The following FBXO11 variants were observed in gnomAD, a reference collection of about 807,000 sequenced individuals.
FBXO11 encodes the protein F-box protein 11.
In FBXO11, 13 loss-of-function variants were observed where a neutral mutation model predicts 117.0. The ratio of observed to expected loss-of-function variants is 0.11; its 90% CI spans 0.07 to 0.18. FBXO11 has a LOEUF of 0.18. Among genes scored for constraint, FBXO11 ranks in the 10% least tolerant of loss-of-function variants. The pLI, the probability that FBXO11 is intolerant of heterozygous loss-of-function variation, is 1.00. For missense variants in FBXO11, 767 were observed against 1,164.4 expected (o/e 0.66, Z 4.97); for synonymous variants, 490 against 380.5 (o/e 1.29, Z -3.35).
At chr2:47,838,137 G>A (rs1385183237) in intron 4 of FBXO11, among the ~76,000 whole-genome samples, 2 of 151,822 alleles carry the variant, frequency 1.3e-5, no homozygotes, top group African/African-American at 4.8e-5. Context: ...GGAGGCTGAG[G>A]TGGGAGAATG....
rs1401193376 is a variant in FBXO11 at position 47,807,854 on chromosome 2, TACAA to T, written c.*260_*263del. On this transcript the variant is annotated 3_prime_UTR_variant, in exon 23 of 23. Transcript: ENST00000403359. ...CCAGCTTTTCAGAAGTTGGTATCTG[TACAA>T]AATTGCAGCTTATTTTCTTCACTTC... The T allele has an allele frequency of 2.9e-6, 1 of 342,722 alleles. No individual in the cohort carries two copies. Among genetic ancestry groups the T allele is most frequent in the African/African-American group, 2.1e-5 (1 of 48,520 alleles). The allele number at this position is 342,722 out of a possible 1,614,324, so 21.2% of individuals were successfully genotyped here.
At chr2:47,825,571 CTTTTTTTTTTTTT>C (rs751404253) in intron 11 of FBXO11, among the ~76,000 whole-genome samples, 1 of 88,312 alleles carries the variant, frequency 1.1e-5, no homozygotes, top group Non-Finnish European at 2.3e-5. Context: ...TCTTCTTCTT[CTTTTTTTTTTTTT>C]TTTTTTTTTT....
intron 1 of FBXO11, among the ~76,000 whole-genome samples, chr2:47,876,667 A>C (rs1355779025): frequency 6.6e-6 from 1 of 151,692 alleles, no homozygotes. Flanking sequence ...CATTTTGAAA[A>C]GCTTTTATGT....
rs908566965 is a variant in FBXO11 at position 47,874,083 on chromosome 2, G to C, written c.232+31406C>G. ...CAAAAAATTAGCCGACTATGGTGGC[G>C]GGCACCTGTAATTCCAGCTACTTGG... On this transcript the variant is annotated intron_variant, in intron 1 of 22. Coordinates refer to ENST00000403359, the MANE Select transcript of FBXO11 (RefSeq NM_001190274.2). Among the ~76,000 whole-genome samples, 6 of 152,100 alleles carry C rather than the reference G, an allele frequency of 3.9e-5. No homozygotes were observed. In the East Asian group the frequency reaches 1.2e-3, roughly 29 times the overall value.
At chr2:47,844,514 ATAT>A (rs202006907) in intron 1 of FBXO11, among the ~76,000 whole-genome samples, 10,658 of 152,238 alleles carry the variant, frequency 0.07, 406 homozygotes, top group African/African-American at 0.1. Context: ...CCCCTGTGCT[ATAT>A]ACAGCAACAC....
At position 47,817,418 on chromosome 2, in the gene FBXO11, G is replaced by C. The variant is rs529302891; in HGVS notation, c.2006+1361C>G. Among the ~76,000 whole-genome samples, 12 of 152,298 alleles carry C rather than the reference G, an allele frequency of 7.9e-5. No homozygotes were observed. The East Asian group carries it at 1.5e-3, about 20-fold the overall frequency. ...TATTTTATTTTGCTTTGAACCCTGA[G>C]AAACTAAGCAATAAGGTTGTTTTGC... is the stretch of plus-strand genomic sequence containing the variant. On this transcript the variant is annotated intron_variant, in intron 16 of 22. Transcript: ENST00000403359.
chr2:47,881,025 T>A (rs1676388984), intron 1 of FBXO11, among the ~76,000 whole-genome samples: 1 of 152,050 alleles, frequency 6.6e-6, no homozygotes, highest in African/African-American at 2.4e-5. Flanking sequence ...GAGGCTGAGG[T>A]GGGCAGATCA....
chr2:47,846,464 T>A lies in FBXO11; in HGVS notation c.233-6695A>T, dbSNP rs1002371289. ...CCTGGGCAACAAAAACGAAACTGTT[T>A]CAAAAAAAAATTTTTTTTTAATTTT... On this transcript the variant is annotated intron_variant, in intron 1 of 22. Transcript: ENST00000403359. Among the ~76,000 whole-genome samples the A allele has an allele frequency of 1.3e-4, 20 of 152,064 alleles. 1 individual carries two copies. Among genetic ancestry groups the A allele is most frequent in the Non-Finnish European group, 2.9e-5 (2 of 68,000 alleles).
intron 11 of FBXO11, among the ~76,000 whole-genome samples, chr2:47,823,666 C>A (rs867511132): frequency 6.6e-6 from 1 of 151,854 alleles, no homozygotes; most frequent in Non-Finnish European, 1.5e-5. Context: ...GGCAGGAGAA[C>A]TGCTTGAACC....
In FBXO11 at chr2:47,808,084, T is replaced by C; in HGVS notation, c.*34A>G. 6.4e-7 allele frequency: 1 copy of C among 1,568,228 alleles called. No homozygotes were observed. The highest frequency in any genetic ancestry group is 8.7e-7 in the Non-Finnish European group (1 of 1,152,030). ...AAAAAAGTGTTTTAAGTTATGATGTTACAATGGCAGGACTTTTTCTTTAGG... is the reference window on the plus strand; with the variant it reads ...AAAAAAGTGTTTTAAGTTATGATGTCACAATGGCAGGACTTTTTCTTTAGG... On this transcript the variant is annotated 3_prime_UTR_variant, in exon 23 of 23. Transcript: ENST00000403359.
rs568827698 is a variant in FBXO11, at chr2:47,823,646, G to C, written c.1399-286C>G. Among the ~76,000 whole-genome samples, 14 of 152,112 alleles carry C rather than the reference G, an allele frequency of 9.2e-5. No homozygotes were observed. The South Asian group carries it at 2.9e-3, about 32-fold the overall frequency. ...CTCACACCTGTAATCCCAGGTACTT[G>C]GGAGGCTGAGGCAGGAGAACTGCTT... On this transcript the variant is annotated intron_variant, in intron 11 of 22. Coordinates refer to ENST00000403359, the MANE Select transcript of FBXO11 (RefSeq NM_001190274.2).
At chr2:47,898,370 C>A (rs1181625204) in intron 1 of FBXO11, among the ~76,000 whole-genome samples, 1 of 152,186 alleles carries the variant, frequency 6.6e-6, no homozygotes, top group Non-Finnish European at 1.5e-5. Flanking sequence ...ATAAGAAACA[C>A]ACCAAACCAT....
At chr2:47,877,299 A>C (rs17395881) in intron 1 of FBXO11, among the ~76,000 whole-genome samples, 12,199 of 152,118 alleles carry the variant, frequency 0.08, 710 homozygotes, top group Admixed American at 0.14. Flanking sequence ...GAGGATCTTA[A>C]ACATACACTT....
At chr2:47,861,613 C>A (rs1257066117) in intron 1 of FBXO11, among the ~76,000 whole-genome samples, 1 of 152,174 alleles carries the variant, frequency 6.6e-6, no homozygotes, top group Non-Finnish European at 1.5e-5. Context: ...TGAACCACAG[C>A]ACCCAGCCCA....
Position 47,822,310 on chromosome 2 carries a change from T to A in FBXO11, c.1617-7A>T, listed in dbSNP as rs1277090981. On this transcript the variant is annotated splice_region_variant and splice_polypyrimidine_tract_variant and intron_variant, in intron 12 of 22. Transcript: ENST00000403359. ...ATTAAATATAGAATTTCCCCTATAA[T>A]TATGCGAAATAAAAAAAAAGAAGAC... is the stretch of plus-strand genomic sequence containing the variant. 1.9e-6 allele frequency: 3 copies of A among 1,539,944 alleles called. No homozygotes were observed. In the South Asian group the frequency reaches 3.6e-5, roughly 18 times the overall value.
chr2:47,888,939 T>G (rs540977092), intron 1 of FBXO11, among the ~76,000 whole-genome samples: 10 of 152,208 alleles, frequency 6.6e-5, no homozygotes, highest in African/African-American at 2.4e-4. Flanking sequence ...TCGCACCCAG[T>G]TTTTAATCAT....
In FBXO11 at chr2:47,837,576, T is replaced by C. The variant is rs534904720; in HGVS notation, c.587+1283A>G. Reference sequence around the variant, plus strand: ...TATATGGTGCACCTTTTGTGCATCATAAAAGTAATACATATAACCGTTGTA... The same window carrying C: ...TATATGGTGCACCTTTTGTGCATCACAAAAGTAATACATATAACCGTTGTA... On this transcript the variant is annotated intron_variant, in intron 4 of 22. Transcript: ENST00000403359. 2.0e-5 allele frequency among the ~76,000 whole-genome samples: 3 copies of C among 152,320 alleles called. No individual in the cohort carries two copies. The South Asian group carries it at 6.2e-4, about 32-fold the overall frequency.
rs1490102209 is a variant in FBXO11 at position 47,807,498 on chromosome 2, C to G, written c.*620G>C. On this transcript the variant is annotated 3_prime_UTR_variant, in exon 23 of 23. Transcript: ENST00000403359. The stretch of plus-strand genomic sequence containing the variant: ...GGATATAATTTAAGATTAGTGTTTT[C>G]TCTTTCATAGAAAGAACGTACATAC... 2 of 207,846 alleles carry G rather than the reference C, an allele frequency of 9.6e-6. No homozygotes were observed. Among genetic ancestry groups the G allele is most frequent in the African/African-American group, 2.3e-5 (1 of 43,956 alleles). The allele number at this position is 207,846 out of a possible 1,614,324, so 12.9% of individuals were successfully genotyped here. A position where few individuals can be genotyped will look rare whatever the true frequency, so the allele number is the denominator to read the frequency against.
chr2:47,832,671 A>G lies in FBXO11; in HGVS notation c.1161T>C (p.Ser387=). ...CTCCTTGACCACTAACACATACTGC[A>G]GAACCAACTGTAGAAAAATTATTTA... The part of the protein sequence containing the change: ...CIIRSTCTVG[S]AVCVSGQGAC... Residue 387 remains serine (S), a synonymous_variant, in exon 10 of 23, where the codon TCT becomes TCC. Coordinates refer to ENST00000403359, the MANE Select transcript of FBXO11 (RefSeq NM_001190274.2). 1 of 1,613,604 alleles carries G rather than the reference A, an allele frequency of 6.2e-7. No homozygotes were observed. The highest frequency in any genetic ancestry group is 1.3e-5 in the African/African-American group (1 of 75,044).
Sources: gnomAD v4.1 joint callset for allele counts (sites outside exome capture counted in the v4.1 genomes callset) on GRCh38, gnomAD v4.1.1 for gene constraint, MANE v1.5 for transcripts, NCBI Gene and HGNC (gene_info 2026-07-23, HGNC 2026-07-21) for gene names.